CACNB4: variants seen among roughly 807,000 people sequenced by gnomAD.
CACNB4 encodes voltage-dependent L-type calcium channel subunit beta-4.
In CACNB4, 32 loss-of-function variants were observed where a neutral mutation model predicts 71.2. The ratio of observed to expected loss-of-function variants is 0.45; its 90% confidence interval spans 0.34 to 0.60. CACNB4 has a LOEUF of 0.60. CACNB4 is among the 20% of genes least tolerant of loss of function. The pLI is 0.01. For synonymous variants in CACNB4, 231 were observed against 236.9 expected (o/e 0.97, Z 0.23); for missense variants, 464 against 647.9 (o/e 0.72, Z 3.08).
At chr2:152,072,321 C>T (rs1012317635) in intron 2 of CACNB4, among the ~76,000 whole-genome samples, 1 of 152,332 alleles carries the variant, frequency 6.6e-6, no homozygotes, top group East Asian at 1.9e-4. Context: ...ATGTCCATCA[C>T]GGAGCTGGCT....
chr2:152,030,047 G>GAA (rs1308320379), intron 2 of CACNB4, among the ~76,000 whole-genome samples: 2 of 152,036 alleles, frequency 1.3e-5, no homozygotes, highest in Non-Finnish European at 2.9e-5. Flanking sequence ...AGAGAATGCT[G>GAA]AAGTGCAAAT....
At chr2:151,983,675 T>TCTCACACACG (rs35313966) in intron 2 of CACNB4, among the ~76,000 whole-genome samples, 1 of 141,430 alleles carries the variant, frequency 7.1e-6, no homozygotes, top group South Asian at 2.6e-4. Flanking sequence ...TAAACTTTGG[T>TCTCACACACG]CACACACACA....
intron 9 of CACNB4, chr2:151,865,683 C>A (rs1185212246): frequency 6.6e-6 from 1 of 152,080 alleles, no homozygotes; most frequent in Admixed American, 6.6e-5. Flanking sequence ...TCCACTGTGT[C>A]GTCGTCAGCA....
intron 2 of CACNB4, among the ~76,000 whole-genome samples, chr2:151,939,371 C>T (rs2151626994): frequency 6.6e-6 from 1 of 152,304 alleles, no homozygotes; most frequent in African/African-American, 2.4e-5. Flanking sequence ...AGAGGACAGT[C>T]ACCTACCATT....
At chr2:152,082,254 C>T (rs1159772269) in intron 2 of CACNB4, among the ~76,000 whole-genome samples, 2 of 152,202 alleles carry the variant, frequency 1.3e-5, no homozygotes, top group Non-Finnish European at 2.9e-5. Context: ...ATTATCTTTC[C>T]TCCTGTAAAC....
intron 2 of CACNB4, among the ~76,000 whole-genome samples, chr2:152,068,722 G>A (rs531410245): frequency 6.6e-6 from 1 of 152,288 alleles, no homozygotes; most frequent in Admixed American, 6.5e-5. Context: ...AGAAGGGTCA[G>A]GGTGGTAAGA....
intron 12 of CACNB4, chr2:151,851,819 A>T (rs1159670295): frequency 6.6e-6 from 1 of 152,224 alleles, no homozygotes; most frequent in Non-Finnish European, 1.5e-5. Context: ...TGTTCCAAAA[A>T]TTGGAAATAA....
chr2:152,053,338 G>C (rs1189129426), intron 2 of CACNB4, among the ~76,000 whole-genome samples: 1 of 152,110 alleles, frequency 6.6e-6, no homozygotes, highest in Non-Finnish European at 1.5e-5. Context: ...AAAACCAAAG[G>C]GCAGGGTTTG....
chr2:151,954,850 C>T (rs1454831523), intron 2 of CACNB4, among the ~76,000 whole-genome samples: 11 of 94,912 alleles, frequency 1.2e-4, no homozygotes, highest in South Asian at 3.6e-4. Context: ...CAAGTCAGCA[C>T]TTTTTTTTTT....
intron 2 of CACNB4, among the ~76,000 whole-genome samples, chr2:152,052,688 A>G (rs1685508510): frequency 6.6e-6 from 1 of 152,174 alleles, no homozygotes; most frequent in Admixed American, 6.5e-5. Flanking sequence ...GTATAGAAAT[A>G]CCATATGTGG....
At chr2:151,840,105 T>C (rs1415060312) in intron 13 of CACNB4, among the ~76,000 whole-genome samples, 1 of 152,230 alleles carries the variant, frequency 6.6e-6, no homozygotes, top group Non-Finnish European at 1.5e-5. Flanking sequence ...TATTCAACAT[T>C]TTTCTCCACT....
chr2:152,056,360 CAA>C (rs138908104), intron 2 of CACNB4, among the ~76,000 whole-genome samples: 18 of 96,144 alleles, frequency 1.9e-4, no homozygotes, highest in Admixed American at 2.3e-4. Flanking sequence ...GACTCTGTCT[CAA>C]AAAAAAAAAA....
At chr2:151,863,924 A>T (rs1362166575) in intron 9 of CACNB4, among the ~76,000 whole-genome samples, 2 of 152,196 alleles carry the variant, frequency 1.3e-5, no homozygotes, top group African/African-American at 4.8e-5. Flanking sequence ...GTAAGACAAA[A>T]TAGGAGTTTC....
chr2:152,047,606 A>C (rs1350077555), intron 2 of CACNB4, among the ~76,000 whole-genome samples: 1 of 152,186 alleles, frequency 6.6e-6, no homozygotes, highest in African/African-American at 2.4e-5. Flanking sequence ...AAAACCCCTC[A>C]GTTGTAGCCA....
intron 12 of CACNB4, among the ~76,000 whole-genome samples, chr2:151,849,095 GCAA>G (rs879806563): frequency 6.6e-6 from 1 of 151,950 alleles, no homozygotes; most frequent in Non-Finnish European, 1.5e-5. Flanking sequence ...TTCCGAATGG[GCAA>G]CGAGAGGAAA....
At chr2:151,924,239 C>T (rs989541055) in intron 2 of CACNB4, among the ~76,000 whole-genome samples, 4 of 151,310 alleles carry the variant, frequency 2.6e-5, no homozygotes, top group South Asian at 4.2e-4. Context: ...CTACCACTCC[C>T]GGCTAATTAT....
At chr2:152,034,760 A>G (rs776797351) in intron 2 of CACNB4, among the ~76,000 whole-genome samples, 3 of 152,074 alleles carry the variant, frequency 2.0e-5, no homozygotes, top group Non-Finnish European at 2.9e-5. Context: ...TTTTAAACAC[A>G]CTAACCCCTG....
At chr2:152,083,541 C>A (rs763825471) in intron 2 of CACNB4, among the ~76,000 whole-genome samples, 1 of 152,158 alleles carries the variant, frequency 6.6e-6, no homozygotes, top group Non-Finnish European at 1.5e-5. Context: ...CCTAGACCAG[C>A]ACACAGAAGA....
At chr2:151,849,539 T>C (rs1271092647) in intron 12 of CACNB4, among the ~76,000 whole-genome samples, 1 of 152,170 alleles carries the variant, frequency 6.6e-6, no homozygotes, top group Non-Finnish European at 1.5e-5. Flanking sequence ...ACCTCCTGAG[T>C]AGCTGGGACT....
Sources: allele counts gnomAD v4.1 joint callset (sites outside exome capture counted in the v4.1 genomes callset), GRCh38; gene constraint gnomAD v4.1.1; transcripts MANE v1.5; gene names NCBI Gene and HGNC (gene_info 2026-07-23, HGNC 2026-07-21).